CMYA5: variants seen among roughly 807,000 people sequenced by gnomAD.
CMYA5 encodes the protein cardiomyopathy associated 5, also known as cardiomyopathy-associated protein 5.
A neutral mutation model predicts 318.9 loss-of-function variants in CMYA5; 246 were observed. The ratio of observed to expected loss-of-function variants is 0.77; its 90% CI spans 0.70 to 0.86. The LOEUF (loss-of-function observed/expected upper bound fraction) is 0.86. CMYA5 is among the 40% of genes least tolerant of loss of function. The pLI is 0.00. For synonymous variants in CMYA5, 1,641 were observed against 1,729.5 expected, an observed-to-expected ratio of 0.95 and a Z score of 1.27; for missense variants, 4,589 against 4,678.2, an observed-to-expected ratio of 0.98 and a Z score of 0.56.
In CMYA5 at chr5:79,734,056, G is replaced by T; in HGVS notation, c.5291G>T (p.Gly1764Val). ...EVSHPADFKK[G>V]GNQEIGPLPP... ...AGCCATCCAGCCGACTTTAAAAAGG[G>T]AGGAAATCAAGAAATAGGCCCATTA... The change falls in exon 2 of 13, where the codon GGA becomes GTA. Residue 1764 changes from glycine (G) to valine (V), a missense_variant. Transcript: ENST00000446378. The T allele has an allele frequency of 1.2e-6, 2 of 1,613,804 alleles. No homozygotes were observed. Among genetic ancestry groups the T allele is most frequent in the Non-Finnish European group, 1.7e-6 (2 of 1,179,834 alleles).
rs749214444 is a variant in CMYA5 at position 79,739,010 on chromosome 5, C to T, written c.10245C>T (p.Ser3415=). ...PEPSEERLRN[S]PVQDEYEFTE... is the part of the protein sequence containing the mutation. ...CAAGTGAAGAGAGGCTCCGTAATAG[C>T]CCTGTTCAGGATGAGTATGAATTTA... Residue 3415 remains serine (S), a synonymous_variant, in exon 2 of 13, where the codon AGC becomes AGT. Coordinates refer to ENST00000446378, the MANE Select transcript of CMYA5 (RefSeq NM_153610.5). The T allele has an allele frequency of 3.7e-6, 6 of 1,613,820 alleles. No individual in the cohort carries two copies. In the East Asian group the frequency reaches 1.3e-4, roughly 36 times the overall value.
rs1463153877 is a variant in CMYA5, at chr5:79,728,954, G to A, written c.189G>A (p.Glu63=). 1 of 1,611,454 alleles carries A rather than the reference G, an allele frequency of 6.2e-7. No homozygotes were observed. Among genetic ancestry groups the A allele is most frequent in the African/African-American group, 1.3e-5 (1 of 74,690 alleles). ...ATGAAGAGGGAAAGATCAAGCAGGA[G>A]TATATCATATCTGACCCCTCCTTTT... ...DQDEEGKIKQ[E]YIISDPSFSM... The change falls in exon 2 of 13, where the codon GAG becomes GAA. Residue 63 remains glutamate, a synonymous_variant. Transcript: ENST00000446378.
intron 1 of CMYA5, among the ~76,000 whole-genome samples, chr5:79,704,239 ACT>A (rs1827226185): frequency 6.6e-6 from 1 of 152,068 alleles, no homozygotes; most frequent in Non-Finnish European, 1.5e-5. Context: ...CTAAATAAAA[ACT>A]CTCTGTCAAG....
Position 79,695,792 on chromosome 5 carries a change from C to T in CMYA5, c.149+5736C>T, listed in dbSNP as rs192121783. On this transcript the variant is annotated intron_variant, in intron 1 of 12. Transcript: ENST00000446378. ...TAATAGAGGAATATCCAAAGACATT[C>T]TTCCTAAAATGAGATTTAGAAAGAT... Among the ~76,000 whole-genome samples, 55 of 152,332 alleles carry T rather than the reference C, an allele frequency of 3.6e-4. No homozygotes were observed. The East Asian group carries it at 0.01, about 28-fold the overall frequency.
In CMYA5 at chr5:79,763,167, T is replaced by C. The variant is rs1172701165; in HGVS notation, c.11513T>C (p.Leu3838Pro). The C allele has an allele frequency of 1.2e-6, 2 of 1,612,032 alleles. No homozygotes were observed. Among genetic ancestry groups the C allele is most frequent in the Non-Finnish European group, 1.7e-6 (2 of 1,179,322 alleles). The change falls in exon 9 of 13, where the codon CTG becomes CCG. Residue 3838 changes from leucine to proline, a missense_variant. By Grantham distance (98) the Leu-to-Pro change is moderately conservative. Around this residue, in one of 3 missense-constraint regions of CMYA5, gnomAD observed 2,431 missense variants for 2,495.1 expected, o/e 0.97. Transcript: ENST00000446378. Reference protein sequence around the residue: ...TTPEATETYTLEYCRQHSPEG... With the variant: ...TTPEATETYTPEYCRQHSPEG... ...CCAGAGGCCACGGAGACCTACACTC[T>C]GGAGTACTGCAGACAGCACTCTCCT...
chr5:79,752,190 A>G (rs1828443250), intron 5 of CMYA5, among the ~76,000 whole-genome samples: 1 of 152,174 alleles, frequency 6.6e-6, no homozygotes, highest in South Asian at 2.1e-4. Flanking sequence ...GGACATAGTA[A>G]ATAAACATGT....
chr5:79,763,124 C>G lies in CMYA5; in HGVS notation c.11470C>G (p.Arg3824Gly). Residue 3824 changes from arginine (R) to glycine (G), a missense_variant, in exon 9 of 13, where the codon CGA (arginine) becomes GGA (glycine). Arg to Gly is a moderately radical substitution (Grantham distance 125, BLOSUM62 -2). This residue lies in a region of CMYA5 where 2,431 missense variants were observed against 2,495.1 expected (regional missense o/e 0.97). Coordinates refer to ENST00000446378, the MANE Select transcript of CMYA5 (RefSeq NM_153610.5). ...CTVCWNTATI[R>G]WRPTTPEATE... ...TGTGTGTTGGAACACAGCCACTATCCGATGGCGGCCCACCACCCCAGAGGC... is the reference window on the plus strand; with the variant it reads ...TGTGTGTTGGAACACAGCCACTATCGGATGGCGGCCCACCACCCCAGAGGC... 6.2e-7 allele frequency: 1 copy of G among 1,613,722 alleles called. No individual in the cohort carries two copies. Among genetic ancestry groups the G allele is most frequent in the Non-Finnish European group, 8.5e-7 (1 of 1,179,856 alleles).
At chr5:79,747,065 C>T in intron 4 of CMYA5, 26 bp from the exon 5 acceptor site, 4 of 1,332,790 alleles carry the variant, frequency 3.0e-6, no homozygotes, top group Non-Finnish European at 2.1e-6. Context: ...TCTTCTCCTC[C>T]TCCTTCCTCT....
At chr5:79,713,954 G>GT (rs35822444) in intron 1 of CMYA5, among the ~76,000 whole-genome samples, 56,793 of 151,854 alleles carry the variant, frequency 0.37, 10,829 homozygotes, top group Middle Eastern at 0.5. Context: ...AATGACTCAA[G>GT]TTATCTTGGC....
Position 79,735,563 on chromosome 5 carries a change from C to T in CMYA5, c.6798C>T (p.Ser2266=). The change falls in exon 2 of 13, where the codon TCC becomes TCT. Residue 2266 remains serine (S), a synonymous_variant. Coordinates refer to ENST00000446378, the MANE Select transcript of CMYA5 (RefSeq NM_153610.5). ...SGDGQNVKEK[S]MILSNVEDLQ... is the part of the protein sequence containing the mutation. Reference sequence around the variant, plus strand: ...ACGGTCAAAACGTTAAAGAAAAATCCATGATTTTATCAAATGTAGAAGATT... The same window carrying T: ...ACGGTCAAAACGTTAAAGAAAAATCTATGATTTTATCAAATGTAGAAGATT... 1 of 1,613,144 alleles carries T rather than the reference C, an allele frequency of 6.2e-7. No homozygotes were observed. Among genetic ancestry groups the T allele is most frequent in the Non-Finnish European group, 8.5e-7 (1 of 1,179,666 alleles).
At chr5:79,724,150 T>A (rs1181386273) in intron 1 of CMYA5, among the ~76,000 whole-genome samples, 3 of 149,622 alleles carry the variant, frequency 2.0e-5, no homozygotes, top group Non-Finnish European at 4.4e-5. Flanking sequence ...ATACCCCATC[T>A]CTGCTAAAAA....
chr5:79,729,138 G>A lies in CMYA5; in HGVS notation c.373G>A (p.Val125Met). 6.2e-7 allele frequency: 1 copy of A among 1,613,090 alleles called. No homozygotes were observed. Among genetic ancestry groups the A allele is most frequent in the Non-Finnish European group, 8.5e-7 (1 of 1,179,510 alleles). The change falls in exon 2 of 13, where the codon GTG becomes ATG. Residue 125 changes from valine to methionine, a missense_variant. Around this residue, in one of 3 missense-constraint regions of CMYA5, gnomAD observed 2,132 missense variants for 2,131.3 expected, o/e 1.00. Transcript: ENST00000446378. ...TCCTCCTGGAAATGTTTCCTTTATT[G>A]TGGATGAAGTGAAAAAGGTTCGGAA... ...NSPPGNVSFI[V>M]DEVKKVRKRT... is the part of the protein sequence containing the mutation.
chr5:79,790,574 C>A lies in CMYA5; in HGVS notation c.11690-396C>A, dbSNP rs188735911. 5.7e-3 allele frequency among the ~76,000 whole-genome samples: 872 copies of A among 152,172 alleles called. 2 individuals are homozygous for A. The highest frequency in any genetic ancestry group is 9.6e-3 in the Non-Finnish European group (651 of 67,982). On this transcript the variant is annotated intron_variant, in intron 10 of 12. Coordinates refer to ENST00000446378, the MANE Select transcript of CMYA5 (RefSeq NM_153610.5). Reference sequence around the variant, plus strand: ...GTGAGCCACCTCACCCGGCCTGTATCCCCCAATTTTAATATGCACACAGAT... The same window carrying A: ...GTGAGCCACCTCACCCGGCCTGTATACCCCAATTTTAATATGCACACAGAT...
At chr5:79,792,279 G>T (rs1465270253) in intron 11 of CMYA5, among the ~76,000 whole-genome samples, 1 of 152,188 alleles carries the variant, frequency 6.6e-6, no homozygotes, top group African/African-American at 2.4e-5. Context: ...CTAGCATGGG[G>T]CCTGGAACAT....
intron 6 of CMYA5, among the ~76,000 whole-genome samples, chr5:79,754,190 C>T (rs184647207): frequency 1.3e-5 from 2 of 152,268 alleles, no homozygotes; most frequent in East Asian, 3.9e-4. Flanking sequence ...TGACTTGCTG[C>T]TAAGTAGTTT....
intron 1 of CMYA5, among the ~76,000 whole-genome samples, chr5:79,727,017 G>T (rs1827762222): frequency 6.8e-6 from 1 of 148,084 alleles, no homozygotes; most frequent in Non-Finnish European, 1.5e-5. Context: ...CTGGGTTCAA[G>T]AGATTCTCCT....
intron 9 of CMYA5, among the ~76,000 whole-genome samples, chr5:79,771,050 C>CA (rs1336285340): frequency 7.9e-6 from 1 of 126,316 alleles, no homozygotes; most frequent in African/African-American, 3.0e-5. Flanking sequence ...GAACTCTGGC[C>CA]AAAACAGAGG....
intron 5 of CMYA5, among the ~76,000 whole-genome samples, chr5:79,748,508 T>TCTATCTAC (rs1229916697): frequency 5.7e-5 from 7 of 122,318 alleles, no homozygotes; most frequent in African/African-American, 2.5e-4. Flanking sequence ...TATCTATCTA[T>TCTATCTAC]CTATCTATCT....
Position 79,754,772 on chromosome 5 carries a change from C to A in CMYA5, c.11110+1978C>A, listed in dbSNP as rs145291535. Among the ~76,000 whole-genome samples the A allele has an allele frequency of 1.7e-3, 257 of 152,210 alleles. 1 individual carries two copies. The highest frequency in any genetic ancestry group is 5.8e-3 in the African/African-American group (240 of 41,514). On this transcript the variant is annotated intron_variant, in intron 6 of 12. Transcript: ENST00000446378. ...GGTACAACCATCACTGCCATCCTCTCCAGAACTCTTCATCTTGCAAAACAG... is the reference window on the plus strand; with the variant it reads ...GGTACAACCATCACTGCCATCCTCTACAGAACTCTTCATCTTGCAAAACAG...
Sources: gnomAD v4.1 joint callset for allele counts (sites outside exome capture counted in the v4.1 genomes callset) on GRCh38, gnomAD v4.1.1 for gene constraint, gnomAD v4.1.1 regional missense constraint, MANE v1.5 for transcripts, NCBI Gene and HGNC (gene_info 2026-07-23, HGNC 2026-07-21) for gene names.